MTHFSD: variants seen among roughly 807,000 people sequenced by gnomAD.
MTHFSD encodes methenyltetrahydrofolate synthetase domain containing.
Under a neutral mutation model 31.1 loss-of-function variants are expected in MTHFSD, and 37 were observed. The observed-to-expected ratio is 1.19, with a 90% confidence interval of 0.91 to 1.56. The LOEUF is 1.56. Among genes scored for constraint, MTHFSD ranks in the 40% most tolerant of loss-of-function variants. The probability of loss-of-function intolerance (pLI) is 0.00; values close to 1 mark genes in which losing one functional copy is unlikely to be tolerated. For missense variants in MTHFSD, 664 were observed against 510.1 expected (o/e 1.30, Z -2.91); for synonymous variants, 221 against 206.9 (o/e 1.07, Z -0.59).
At chr16:86,536,898 G>A (rs1224924549) in intron 7 of MTHFSD, among the ~76,000 whole-genome samples, 1 of 152,212 alleles carries the variant, frequency 6.6e-6, no homozygotes, top group Admixed American at 6.5e-5. Context: ...TTCCCCTCAC[G>A]CAGACATGCT....
Position 86,548,653 on chromosome 16 carries a change from T to A in MTHFSD, c.238-76A>T, listed in dbSNP as rs1160938396. The A allele has an allele frequency of 7.4e-6, 9 of 1,223,746 alleles. No homozygotes were observed. The East Asian group carries it at 2.0e-4, about 27-fold the overall frequency. 75.8% of individuals were successfully genotyped at this position (1,223,746 alleles called of 1,614,324 possible). A position where few individuals can be genotyped will look rare whatever the true frequency, so the allele number is the denominator to read the frequency against. ...GACTTTCTTATATGTATTTTTACCA[T>A]TTCAGGAGAAGAGGCAAATTACTAT... On this transcript the variant is annotated intron_variant, in intron 3 of 7. Coordinates refer to ENST00000360900, the MANE Select transcript of MTHFSD (RefSeq NM_001159377.2).
rs1970104650 is a variant in MTHFSD, at chr16:86,532,473, C to T, written c.690G>A (p.Leu230=). Residue 230 remains leucine, a synonymous_variant, in exon 8 of 8, where the codon CTG becomes CTA. Transcript: ENST00000360900. ...GTATGGGGATTTTCTCCATCATCTC[C>T]AGGCTGATCTGAAAAGCAAAGCAGT... The part of the protein sequence containing the change: ...PMGITWFKIS[L]EMMEKIPILR... 14 of 1,416,158 alleles carry T rather than the reference C, an allele frequency of 9.9e-6. No homozygotes were observed. Among genetic ancestry groups the T allele is most frequent in the Non-Finnish European group, 1.3e-5 (14 of 1,082,690 alleles). The allele number at this position is 1,416,158 out of a possible 1,614,324, so 87.7% of individuals were successfully genotyped here. A position where few individuals can be genotyped will look rare whatever the true frequency, so the allele number is the denominator to read the frequency against.
At chr16:86,553,447 A>G (rs1227766776) in intron 2 of MTHFSD, 2 of 152,736 alleles carry the variant, frequency 1.3e-5, no homozygotes, top group Non-Finnish European at 2.9e-5. Flanking sequence ...GCGGGCGGGA[A>G]CTGCTGCTGT....
At position 86,551,378 on chromosome 16, in the gene MTHFSD, G is replaced by C. The variant is rs1298012207; in HGVS notation, c.237+655C>G. 2.0e-5 allele frequency among the ~76,000 whole-genome samples: 3 copies of C among 152,164 alleles called. No individual in the cohort carries two copies. In the East Asian group the frequency reaches 5.8e-4, roughly 29 times the overall value. On this transcript the variant is annotated intron_variant, in intron 3 of 7. Transcript: ENST00000360900. ...TACTCGTGATTTATCATGTTTCAAA[G>C]CATCATAATACCACAACTGTGGCAA...
At chr16:86,545,664 A>C (rs1972183999) in intron 5 of MTHFSD, among the ~76,000 whole-genome samples, 1 of 151,308 alleles carries the variant, frequency 6.6e-6, no homozygotes, top group African/African-American at 2.4e-5. Flanking sequence ...CCCTCCTCAG[A>C]CTCCCCTTCC....
chr16:86,540,613 G>A, intron 7 of MTHFSD: 1 of 943,606 alleles, frequency 1.1e-6, no homozygotes, highest in Non-Finnish European at 1.3e-6. Context: ...CCTGTTCTCG[G>A]CTCTGAGGAG....
chr16:86,555,112 G>A lies in MTHFSD; in HGVS notation c.16+57C>T, dbSNP rs917510447. On this transcript the variant is annotated intron_variant, in intron 1 of 7. Transcript: ENST00000360900. ...CGGTGGCCCCGCCTCGACCCTCACCGGTCCCGGCTGTCCCTCCCCATTCCC... is the reference window on the plus strand; with the variant it reads ...CGGTGGCCCCGCCTCGACCCTCACCAGTCCCGGCTGTCCCTCCCCATTCCC... The A allele has an allele frequency of 1.2e-5, 19 of 1,526,682 alleles. No homozygotes were observed. In the African/African-American group the frequency reaches 2.5e-4, roughly 20 times the overall value. 94.6% of individuals were successfully genotyped at this position (1,526,682 alleles called of 1,614,324 possible).
At position 86,542,078 on chromosome 16, in the gene MTHFSD, C is replaced by T; in HGVS notation, c.555+23G>A. The stretch of plus-strand genomic sequence containing the variant: ...TCAGAAGAGAATGGCAGTGGCTCTG[C>T]TCAGCCCATTCATAAGGAGCACCTG... On this transcript the variant is annotated intron_variant, in intron 6 of 7. Transcript: ENST00000360900. This position sits in a 1 kb window ranked among gnomAD's most constrained non-coding sequence, Gnocchi z 4.6. 4 of 1,601,194 alleles carry T rather than the reference C, an allele frequency of 2.5e-6. No individual in the cohort carries two copies. The highest frequency in any genetic ancestry group is 3.4e-6 in the Non-Finnish European group (4 of 1,169,720).
At chr16:86,541,941 G>C in intron 6 of MTHFSD, 119 bp from the exon 7 acceptor site, 1 of 1,451,806 alleles carries the variant, frequency 6.9e-7, no homozygotes, top group Non-Finnish European at 9.4e-7. Flanking sequence ...CCACTCTGGG[G>C]CTAAGGCTTA....
chr16:86,536,043 C>T (rs923073890), intron 7 of MTHFSD, among the ~76,000 whole-genome samples: 3 of 152,166 alleles, frequency 2.0e-5, no homozygotes, highest in Non-Finnish European at 2.9e-5. Context: ...TCAGTAAAGA[C>T]GGGATCTTGC....
At chr16:86,546,296 C>T (rs759671075) in intron 5 of MTHFSD, among the ~76,000 whole-genome samples, 3 of 152,196 alleles carry the variant, frequency 2.0e-5, no homozygotes, top group Non-Finnish European at 4.4e-5. Flanking sequence ...GAGAGAAAAC[C>T]TTTCACCACC....
chr16:86,554,044 A>C (rs1973634434), intron 2 of MTHFSD, among the ~76,000 whole-genome samples: 1 of 152,188 alleles, frequency 6.6e-6, no homozygotes, highest in African/African-American at 2.4e-5. Flanking sequence ...AAAATGGACC[A>C]ATCAGCAGGA....
chr16:86,539,574 A>C (rs1044824129), intron 7 of MTHFSD, among the ~76,000 whole-genome samples: 4 of 152,224 alleles, frequency 2.6e-5, no homozygotes, highest in African/African-American at 9.6e-5. Context: ...TTGACTGCTA[A>C]ACTCAGCAAT....
intron 6 of MTHFSD, 124 bp from the exon 7 acceptor site, chr16:86,541,946 G>A (rs1971587354): frequency 1.4e-6 from 2 of 1,428,416 alleles, no homozygotes; most frequent in East Asian, 2.3e-5. Context: ...CTGGGGCTAA[G>A]GCTTAGCCGC....
intron 7 of MTHFSD, chr16:86,541,013 G>C: frequency 8.5e-7 from 1 of 1,175,578 alleles, no homozygotes; most frequent in Non-Finnish European, 1.1e-6. Flanking sequence ...GAATGATTTG[G>C]GATTAAAGAA....
rs1160404673 is a variant in MTHFSD at position 86,531,189 on chromosome 16, T to C, written c.*822A>G. Reference sequence around the variant, plus strand: ...TGCCCGGGATCAATTGCAAAAGCGCTTCTGTTGAGAAAGGACAGTTCAGCC... The same window carrying C: ...TGCCCGGGATCAATTGCAAAAGCGCCTCTGTTGAGAAAGGACAGTTCAGCC... On this transcript the variant is annotated 3_prime_UTR_variant, in exon 8 of 8. Coordinates refer to ENST00000360900, the MANE Select transcript of MTHFSD (RefSeq NM_001159377.2). This position sits in a 1 kb window ranked among gnomAD's most constrained non-coding sequence, Gnocchi z 5.5. 2.0e-5 allele frequency: 3 copies of C among 152,228 alleles called. No individual in the cohort carries two copies. The highest frequency in any genetic ancestry group is 4.4e-5 in the Non-Finnish European group (3 of 68,048). 9.4% of individuals were successfully genotyped at this position (152,228 alleles called of 1,614,324 possible). A position where few individuals can be genotyped will look rare whatever the true frequency, so the allele number is the denominator to read the frequency against.
At position 86,555,172 on chromosome 16, in the gene MTHFSD, C is replaced by A. The variant is rs371051448; in HGVS notation, c.13G>T (p.Ala5Ser). Reference protein sequence around the residue: MEPRAVGVSKQDIRE... With the variant: MEPRSVGVSKQDIRE... ...GGAGCCCCGCCAGGCCCCCCACCTGCCCTCGGCTCCATGGTGATGCAGTCG... is the reference window on the plus strand; with the variant it reads ...GGAGCCCCGCCAGGCCCCCCACCTGACCTCGGCTCCATGGTGATGCAGTCG... Residue 5 changes from alanine to serine, a missense_variant, in exon 1 of 8, where the codon GCA becomes TCA. Ala to Ser is a moderately conservative substitution (Grantham distance 99). Coordinates refer to ENST00000360900, the MANE Select transcript of MTHFSD (RefSeq NM_001159377.2). 1 of 1,537,010 alleles carries A rather than the reference C, an allele frequency of 6.5e-7. No individual in the cohort carries two copies. Among genetic ancestry groups the A allele is most frequent in the Non-Finnish European group, 8.7e-7 (1 of 1,146,518 alleles).
intron 7 of MTHFSD, among the ~76,000 whole-genome samples, chr16:86,538,339 A>G (rs2143486971): frequency 6.6e-6 from 1 of 152,310 alleles, no homozygotes; most frequent in Middle Eastern, 3.4e-3. Flanking sequence ...CGGCAGTGGC[A>G]GACCCGGGTC....
chr16:86,535,610 G>A (rs1970586978), intron 7 of MTHFSD: 12 of 607,250 alleles, frequency 2.0e-5, no homozygotes, highest in African/African-American at 4.0e-5. Flanking sequence ...AAAAAAAATA[G>A]AATAAACTTT....
Sources: gnomAD v4.1 joint callset for allele counts (sites outside exome capture counted in the v4.1 genomes callset) on GRCh38, gnomAD v4.1.1 for gene constraint, Gnocchi (gnomAD v3.1) non-coding constraint, MANE v1.5 for transcripts, NCBI Gene and HGNC (gene_info 2026-07-23, HGNC 2026-07-21) for gene names.